The following CATSPERG variants were observed in gnomAD, a reference collection of about 807,000 sequenced individuals.
CATSPERG encodes the protein catsper channel auxiliary subunit gamma, also known as cation channel sperm-associated auxiliary subunit gamma.
CATSPERG carries 115 observed loss-of-function variants against 145.0 expected under a neutral mutation model. That is an observed-to-expected ratio of 0.79 (90% CI 0.68 to 0.93). The LOEUF is 0.93. CATSPERG is among the 40% of genes least tolerant of loss of function. CATSPERG has a pLI of 0.00. For missense variants in CATSPERG, 1,296 were observed against 1,490.1 expected, an observed-to-expected ratio of 0.87 and a Z score of 2.14; for synonymous variants, 588 against 589.0, an observed-to-expected ratio of 1.00 and a Z score of 0.02.
intron 7 of CATSPERG, among the ~76,000 whole-genome samples, chr19:38,347,390 A>C (rs889739520): frequency 4.6e-5 from 7 of 152,112 alleles, no homozygotes; most frequent in East Asian, 3.9e-4. Flanking sequence ...AGAAAAACAA[A>C]AAAAAAAAGT....
At chr19:38,339,294 T>C (rs967131899) in intron 3 of CATSPERG, among the ~76,000 whole-genome samples, 4 of 152,158 alleles carry the variant, frequency 2.6e-5, no homozygotes, top group African/African-American at 7.2e-5. Flanking sequence ...TCCAGAGCCA[T>C]GAGCCCTGGA....
rs143984653 is a variant in CATSPERG at position 38,361,742 on chromosome 19, C to T, written c.1975C>T (p.Arg659Cys). ...TCCGCAGAGATACACGCGCCAGGAGCGCTACCGGGCGCGGCCGCCGCGCGT... is the reference window on the plus strand; with the variant it reads ...TCCGCAGAGATACACGCGCCAGGAGTGCTACCGGGCGCGGCCGCCGCGCGT... ...PSPQRYTRQE[R>C]YRARPPRVLE... is the part of the protein sequence containing the mutation. The change falls in exon 17 of 29, where the codon CGC becomes TGC. Residue 659 changes from arginine to cysteine, a missense_variant. By Grantham distance (180) the Arg-to-Cys change is radical. Coordinates refer to ENST00000409235, the MANE Select transcript of CATSPERG (RefSeq NM_021185.5). The T allele has an allele frequency of 1.9e-6, 3 of 1,612,054 alleles. No homozygotes were observed. In the African/African-American group the frequency reaches 4.0e-5, roughly 22 times the overall value.
At chr19:38,346,399 T>A (rs1170646267) in intron 6 of CATSPERG, 51 bp from the exon 7 acceptor site, 1 of 1,472,344 alleles carries the variant, frequency 6.8e-7, no homozygotes, top group Non-Finnish European at 9.1e-7. Context: ...TGAGATGGAG[T>A]CTCAGGAGAG....
intron 7 of CATSPERG, among the ~76,000 whole-genome samples, chr19:38,350,858 G>A (rs1340189532): frequency 6.6e-6 from 1 of 152,066 alleles, no homozygotes; most frequent in Non-Finnish European, 1.5e-5. Flanking sequence ...GCATGGTGGT[G>A]GGCACCTGTA....
chr19:38,355,120 G>A (rs945523186), intron 9 of CATSPERG, among the ~76,000 whole-genome samples: 6 of 152,000 alleles, frequency 3.9e-5, no homozygotes, highest in Admixed American at 6.6e-5. Context: ...TGAGGCAGGC[G>A]GATCACTTGA....
chr19:38,359,636 G>A, intron 14 of CATSPERG, 55 bp downstream of exon 14: 3 of 1,556,546 alleles, frequency 1.9e-6, no homozygotes, highest in Non-Finnish European at 2.6e-6. Context: ...CAAACCCCAG[G>A]GGCCCCTCTT....
chr19:38,356,929 T>C (rs1171059874), intron 11 of CATSPERG, 68 bp downstream of exon 11: 14 of 1,583,652 alleles, frequency 8.8e-6, no homozygotes, highest in African/African-American at 2.7e-5. Context: ...TGCATGCCCA[T>C]CCTGAGGGAT....
chr19:38,361,596 A>C (rs1970345112), intron 16 of CATSPERG, 52 bp from the exon 17 acceptor site: 1 of 1,451,954 alleles, frequency 6.9e-7, no homozygotes, highest in Non-Finnish European at 9.4e-7. Flanking sequence ...GGAAGCTTCC[A>C]GTGCGCGGGG....
chr19:38,339,006 TGAGA>T (rs1001842557), intron 3 of CATSPERG, among the ~76,000 whole-genome samples: 1 of 151,738 alleles, frequency 6.6e-6, no homozygotes, highest in Non-Finnish European at 1.5e-5. Flanking sequence ...AAAGGCAGTT[TGAGA>T]GAGAGAAGTA....
At chr19:38,360,961 A>G in intron 16 of CATSPERG, 118 bp downstream of exon 16, 1 of 829,538 alleles carries the variant, frequency 1.2e-6, no homozygotes, top group Non-Finnish European at 1.9e-6. Context: ...CAGGGCTATG[A>G]TGGCAGGAGT....
chr19:38,339,456 T>G (rs111496330), intron 3 of CATSPERG, among the ~76,000 whole-genome samples: 69 of 152,302 alleles, frequency 4.5e-4, no homozygotes, highest in Admixed American at 1.2e-3. Flanking sequence ...CTCTTTTACA[T>G]TATGTCAGAC....
intron 20 of CATSPERG, among the ~76,000 whole-genome samples, chr19:38,363,497 T>C (rs1243869202): frequency 2.0e-5 from 3 of 150,824 alleles, no homozygotes; most frequent in African/African-American, 7.3e-5. Context: ...TCCTTTTTTT[T>C]TTTTTTTTTT....
At chr19:38,347,910 C>T (rs1346531333) in intron 7 of CATSPERG, among the ~76,000 whole-genome samples, 1 of 149,982 alleles carries the variant, frequency 6.7e-6, no homozygotes, top group African/African-American at 2.5e-5. Flanking sequence ...CACTGTACTC[C>T]AGCCTGGGCG....
intron 16 of CATSPERG, among the ~76,000 whole-genome samples, chr19:38,361,120 G>C (rs1465461561): frequency 6.6e-6 from 1 of 152,286 alleles, no homozygotes; most frequent in Non-Finnish European, 1.5e-5. Flanking sequence ...GGGTGTTCCA[G>C]AAAGGGGGAA....
chr19:38,362,636 C>T (rs1235126065), intron 19 of CATSPERG, 62 bp downstream of exon 19: 4 of 1,592,422 alleles, frequency 2.5e-6, no homozygotes, highest in Non-Finnish European at 3.4e-6. Flanking sequence ...ATCTGGGAGC[C>T]TGGGGGGCGG....
intron 11 of CATSPERG, chr19:38,358,023 T>G (rs1600471237): frequency 6.4e-6 from 3 of 471,100 alleles, no homozygotes; most frequent in South Asian, 2.8e-5. Context: ...TAGGCTGAGG[T>G]GGGAGGATCA....
chr19:38,337,414 T>C lies in CATSPERG; in HGVS notation c.180T>C (p.Gly60=), dbSNP rs960465125. The C allele has an allele frequency of 1.3e-6, 2 of 1,551,914 alleles. No homozygotes were observed. Among genetic ancestry groups the C allele is most frequent in the African/African-American group, 2.7e-5 (2 of 73,120 alleles). ...LNEFKRVGES[G]VSDSFFEQEP... ...AGTTTAAGAGGGTAGGCGAGAGTGG[T>C]GTGAGCGACAGCTTCTTTGAGCAAG... Residue 60 remains glycine (G), a synonymous_variant, in exon 2 of 29, where the codon GGT becomes GGC. Coordinates refer to ENST00000409235, the MANE Select transcript of CATSPERG (RefSeq NM_021185.5).
chr19:38,361,396 G>A (rs895838111), intron 16 of CATSPERG, among the ~76,000 whole-genome samples: 1 of 152,088 alleles, frequency 6.6e-6, no homozygotes, highest in Admixed American at 6.5e-5. Context: ...ATGGAATAAA[G>A]ATAAGAGGTC....
In CATSPERG at chr19:38,364,360, G is replaced by A. The variant is rs191510089; in HGVS notation, c.2476-531G>A. On this transcript the variant is annotated intron_variant, in intron 20 of 28. Transcript: ENST00000409235. ...GGACAGAGGCGCTCCTCACATCCCA[G>A]ACGGGGCAGCGGGGCAGAGGCACTC... 2.2e-3 allele frequency among the ~76,000 whole-genome samples: 341 copies of A among 152,214 alleles called. 2 individuals are homozygous for A. The highest frequency in any genetic ancestry group is 7.7e-3 in the African/African-American group (319 of 41,520).
Sources: allele counts gnomAD v4.1 joint callset (sites outside exome capture counted in the v4.1 genomes callset), GRCh38; gene constraint gnomAD v4.1.1; transcripts MANE v1.5; gene names NCBI Gene and HGNC (gene_info 2026-07-23, HGNC 2026-07-21).